GALNT13: variants seen among roughly 807,000 people sequenced by gnomAD.
GALNT13 encodes the protein polypeptide N-acetylgalactosaminyltransferase 13.
Under a neutral mutation model 64.2 loss-of-function variants are expected in GALNT13, and 28 were observed. The ratio of observed to expected loss-of-function variants is 0.44; its 90% CI spans 0.32 to 0.60. The LOEUF is 0.60. GALNT13 is among the 20% of genes least tolerant of loss of function. The pLI is 0.05. For missense variants in GALNT13, 577 were observed against 669.8 expected (o/e 0.86, Z 1.53); for synonymous variants, 214 against 224.6 (o/e 0.95, Z 0.42).
At chr2:153,557,601 A>G in the GALNT13 span, among the ~76,000 whole-genome samples, 3 of 152,160 alleles carry the variant, frequency 2.0e-5, no homozygotes, top group Non-Finnish European at 4.4e-5. Context: ...TGCAATCTTT[A>G]TATCTATTCA....
chr2:153,126,855 G>A, the GALNT13 span, among the ~76,000 whole-genome samples: 2 of 152,088 alleles, frequency 1.3e-5, no homozygotes, highest in Admixed American at 6.6e-5. Flanking sequence ...TATTTTATCA[G>A]AGTTCTTTTG....
chr2:154,337,382 A>G (rs1422166517), intron 9 of GALNT13, among the ~76,000 whole-genome samples: 1 of 152,122 alleles, frequency 6.6e-6, no homozygotes, highest in Admixed American at 6.6e-5. Flanking sequence ...GCTTTTAGCT[A>G]TATTTCAAAT....
At chr2:153,737,123 C>T in the GALNT13 span, among the ~76,000 whole-genome samples, 12 of 152,104 alleles carry the variant, frequency 7.9e-5, no homozygotes, top group South Asian at 2.1e-4. Flanking sequence ...TTCAAGCATG[C>T]GTGCCTGGTG....
the GALNT13 span, among the ~76,000 whole-genome samples, chr2:153,793,554 G>T: frequency 6.6e-6 from 1 of 151,364 alleles, no homozygotes; most frequent in African/African-American, 2.4e-5. Context: ...CCTTGTCTCT[G>T]TTCTCTCACT....
At chr2:154,124,368 T>C (rs1682133554) in intron 3 of GALNT13, among the ~76,000 whole-genome samples, 1 of 152,112 alleles carries the variant, frequency 6.6e-6, no homozygotes, top group Admixed American at 6.5e-5. Context: ...CTATTTTATA[T>C]TAAATTACTC....
chr2:154,128,769 A>G (rs918730680), intron 3 of GALNT13, among the ~76,000 whole-genome samples: 16 of 152,158 alleles, frequency 1.1e-4, no homozygotes, highest in African/African-American at 3.9e-4. Context: ...CTCCAATTCA[A>G]ATTACAATGC....
At chr2:153,795,955 CTGTTCT>C in the GALNT13 span, among the ~76,000 whole-genome samples, 1 of 152,208 alleles carries the variant, frequency 6.6e-6, no homozygotes, top group African/African-American at 2.4e-5. Flanking sequence ...GCTCTTTCCT[CTGTTCT>C]TGCGTGTTTT....
chr2:153,859,303 C>T, the GALNT13 span, among the ~76,000 whole-genome samples: 1 of 152,180 alleles, frequency 6.6e-6, no homozygotes, highest in East Asian at 1.9e-4. Flanking sequence ...GTTTTGTTTT[C>T]TAACACGTGA....
chr2:154,059,472 G>T (rs533622988), intron 3 of GALNT13, among the ~76,000 whole-genome samples: 1 of 152,246 alleles, frequency 6.6e-6, no homozygotes, highest in Non-Finnish European at 1.5e-5. Context: ...TTTTAAGGCT[G>T]TGCTTCCTGT....
At chr2:153,098,442 T>C in the GALNT13 span, among the ~76,000 whole-genome samples, 1 of 152,226 alleles carries the variant, frequency 6.6e-6, no homozygotes, top group Non-Finnish European at 1.5e-5. Context: ...TGAGTATAGT[T>C]ACATTTTCCT....
the GALNT13 span, among the ~76,000 whole-genome samples, chr2:153,366,296 A>T: frequency 6.6e-6 from 1 of 152,032 alleles, no homozygotes; most frequent in African/African-American, 2.4e-5. Context: ...TGCATGCATG[A>T]TTTAAAACCT....
intron 8 of GALNT13, among the ~76,000 whole-genome samples, chr2:154,283,366 G>A (rs1262286285): frequency 6.6e-6 from 1 of 151,944 alleles, no homozygotes; most frequent in East Asian, 1.9e-4. Context: ...CATTTTGTGT[G>A]CCTTGTGTAA....
chr2:153,796,835 T>G, the GALNT13 span, among the ~76,000 whole-genome samples: 62 of 152,334 alleles, frequency 4.1e-4, no homozygotes, highest in African/African-American at 1.3e-3. Flanking sequence ...CCTGCCAGTT[T>G]AGAGTTAACT....
the GALNT13 span, among the ~76,000 whole-genome samples, chr2:153,310,177 GA>G: frequency 1.3e-5 from 2 of 151,822 alleles, no homozygotes; most frequent in African/African-American, 4.8e-5. Context: ...TGTTATTTTT[GA>G]ATATTTGAGA....
At chr2:153,411,352 T>A in the GALNT13 span, among the ~76,000 whole-genome samples, 1 of 151,906 alleles carries the variant, frequency 6.6e-6, no homozygotes, top group African/African-American at 2.4e-5. Flanking sequence ...TACATTTCAG[T>A]GAATTAGGAA....
chr2:153,121,819 C>T, the GALNT13 span, among the ~76,000 whole-genome samples: 3 of 152,326 alleles, frequency 2.0e-5, no homozygotes, highest in Non-Finnish European at 4.4e-5. Flanking sequence ...CAGGCATGAG[C>T]TACTGCATTT....
chr2:153,273,378 G>T, the GALNT13 span, among the ~76,000 whole-genome samples: 13 of 152,102 alleles, frequency 8.5e-5, no homozygotes, highest in Non-Finnish European at 1.6e-4. Flanking sequence ...CAAAAACTAT[G>T]GTATTGAGTG....
intron 8 of GALNT13, among the ~76,000 whole-genome samples, chr2:154,261,192 G>A (rs1160035924): frequency 1.3e-5 from 2 of 152,126 alleles, no homozygotes; most frequent in Non-Finnish European, 2.9e-5. Context: ...ATGCAGCTAG[G>A]GGCTGTAAGA....
chr2:153,182,420 A>G, the GALNT13 span, among the ~76,000 whole-genome samples: 1 of 152,300 alleles, frequency 6.6e-6, no homozygotes. Context: ...ACAGATATGA[A>G]CCAAAAGATA....
Sources: gnomAD v4.1 joint callset for allele counts (sites outside exome capture counted in the v4.1 genomes callset) on GRCh38, gnomAD v4.1.1 for gene constraint, MANE v1.5 for transcripts, NCBI Gene and HGNC (gene_info 2026-07-23, HGNC 2026-07-21) for gene names.